SYNPO2: variants seen among roughly 807,000 people sequenced by gnomAD.
The protein encoded by SYNPO2 is synaptopodin 2.
SYNPO2 carries 56 observed loss-of-function variants against 85.0 expected under a neutral mutation model. The ratio of observed to expected loss-of-function variants is 0.66; its 90% CI spans 0.53 to 0.82. The LOEUF is 0.82. Among genes scored for constraint, SYNPO2 ranks in the 40% least tolerant of loss-of-function variants. The probability of loss-of-function intolerance (pLI) is 0.00; values close to 1 mark genes in which losing one functional copy is unlikely to be tolerated. For synonymous variants in SYNPO2, 602 were observed against 591.1 expected (o/e 1.02, Z -0.27); for missense variants, 1,575 against 1,534.2 (o/e 1.03, Z -0.44).
chr4:118,911,955 G>A (rs1028339328), intron 1 of SYNPO2, among the ~76,000 whole-genome samples: 1 of 152,126 alleles, frequency 6.6e-6, no homozygotes, highest in Admixed American at 6.5e-5. Flanking sequence ...TGCAAAATAA[G>A]ATTGATTAAA....
chr4:118,873,626 T>C (rs12506488), intron 1 of SYNPO2, among the ~76,000 whole-genome samples: 151,588 of 152,296 alleles, frequency 1, 75,443 homozygotes, highest in Middle Eastern at 1. Flanking sequence ...TATAGTTTGG[T>C]GATATTTTCT....
chr4:119,018,803 G>A (rs1473172894), intron 1 of SYNPO2, among the ~76,000 whole-genome samples: 1 of 152,110 alleles, frequency 6.6e-6, no homozygotes, highest in Non-Finnish European at 1.5e-5. Flanking sequence ...CTAAAAGAGT[G>A]CAATTGAAAT....
At chr4:118,890,493 T>C (rs770657798) in intron 1 of SYNPO2, among the ~76,000 whole-genome samples, 4 of 152,140 alleles carry the variant, frequency 2.6e-5, no homozygotes, top group Admixed American at 6.6e-5. Context: ...TGGGTTCCTT[T>C]AGGAGTCAAT....
intron 1 of SYNPO2, among the ~76,000 whole-genome samples, chr4:118,955,500 A>G (rs1036126271): frequency 3.3e-5 from 5 of 152,188 alleles, no homozygotes; most frequent in Non-Finnish European, 5.9e-5. Context: ...GGATTGGGGT[A>G]ATCAGGGGAA....
At position 119,031,228 on chromosome 4, in the gene SYNPO2, C is replaced by G. The variant is rs1183317487; in HGVS notation, c.2453C>G (p.Pro818Arg). 1 of 1,614,066 alleles carries G rather than the reference C, an allele frequency of 6.2e-7. No homozygotes were observed. Among genetic ancestry groups the G allele is most frequent in the Non-Finnish European group, 8.5e-7 (1 of 1,180,044 alleles). ...CAGCCTTCTTACCCTCCTGCCCGGC[C>G]TGCAAGTACTTTGAACGTGGCTGGT... is the stretch of plus-strand genomic sequence containing the variant. ...IAQPSYPPAR[P>R]ASTLNVAGPF... is the part of the protein sequence containing the mutation. The change falls in exon 4 of 5, where the codon CCT (proline) becomes CGT (arginine). Residue 818 changes from proline to arginine, a missense_variant. Pro to Arg is a moderately radical substitution (Grantham distance 103). Around this residue, in one of 3 missense-constraint regions of SYNPO2, gnomAD observed 1,508 missense variants for 1,446.8 expected, o/e 1.04. Transcript: ENST00000307142.
chr4:118,925,117 T>A (rs1733668979), intron 1 of SYNPO2, among the ~76,000 whole-genome samples: 1 of 152,172 alleles, frequency 6.6e-6, no homozygotes, highest in Non-Finnish European at 1.5e-5. Flanking sequence ...AATCTGTGTT[T>A]ACAGTTTAAT....
At chr4:118,958,208 C>T (rs958803698) in intron 1 of SYNPO2, among the ~76,000 whole-genome samples, 11 of 152,004 alleles carry the variant, frequency 7.2e-5, no homozygotes, top group East Asian at 1.9e-4. Flanking sequence ...GTCTTATGTT[C>T]GCATTAGTCC....
intron 1 of SYNPO2, among the ~76,000 whole-genome samples, chr4:118,916,940 G>T (rs1259902348): frequency 2.0e-5 from 3 of 151,936 alleles, no homozygotes; most frequent in Non-Finnish European, 4.4e-5. Context: ...TTGCTCTGTT[G>T]TCCAGGCTGG....
rs1560972744 is a variant in SYNPO2, at chr4:119,007,285, T to TATATATATATGTATATAC, written c.106-16135_106-16134insGTATATACATATATATAT. 2.3e-4 allele frequency among the ~76,000 whole-genome samples: 16 copies of TATATATATATGTATATAC among 68,852 alleles called. 1 individual carries two copies. Among genetic ancestry groups the TATATATATATGTATATAC allele is most frequent in the South Asian group, 1.6e-3 (3 of 1,842 alleles). The allele number at this position is 68,852 out of a possible 152,430, so 45.2% of individuals were successfully genotyped here. A position where few individuals can be genotyped will look rare whatever the true frequency, so the allele number is the denominator to read the frequency against. On this transcript the variant is annotated intron_variant, in intron 1 of 4. Coordinates refer to ENST00000307142, the MANE Select transcript of SYNPO2 (RefSeq NM_133477.3). ...ATATATATATATATATGTATATACA[T>TATATATATATGTATATAC]ATATATATATATGTATATACACGCA...
intron 1 of SYNPO2, among the ~76,000 whole-genome samples, chr4:118,940,584 C>A (rs1734272906): frequency 1.3e-5 from 2 of 151,930 alleles, no homozygotes; most frequent in Non-Finnish European, 2.9e-5. Context: ...GAAAACTGGT[C>A]CCTGCCACTG....
At chr4:118,905,465 T>TGA (rs993949011) in intron 1 of SYNPO2, among the ~76,000 whole-genome samples, 10 of 150,792 alleles carry the variant, frequency 6.6e-5, no homozygotes, top group African/African-American at 1.7e-4. Flanking sequence ...TGTGTGTCTG[T>TGA]GAGAGAGAGA....
intron 1 of SYNPO2, among the ~76,000 whole-genome samples, chr4:118,989,720 A>G (rs1736340918): frequency 6.6e-6 from 1 of 152,244 alleles, no homozygotes; most frequent in Non-Finnish European, 1.5e-5. Context: ...AAATGCACAC[A>G]GTAACTGGGA....
At chr4:118,924,503 G>A (rs1294048033) in intron 1 of SYNPO2, among the ~76,000 whole-genome samples, 1 of 152,154 alleles carries the variant, frequency 6.6e-6, no homozygotes, top group African/African-American at 2.4e-5. Context: ...AGGGGACTCA[G>A]AGCAAAGAAG....
intron 1 of SYNPO2, among the ~76,000 whole-genome samples, chr4:118,899,794 T>C (rs1732659201): frequency 1.3e-5 from 2 of 152,206 alleles, no homozygotes; most frequent in African/African-American, 4.8e-5. Flanking sequence ...GCAGCCTCGC[T>C]CTTGTCACCC....
At chr4:118,895,147 A>T (rs750684998) in intron 1 of SYNPO2, among the ~76,000 whole-genome samples, 13 of 152,150 alleles carry the variant, frequency 8.5e-5, no homozygotes, top group Non-Finnish European at 7.4e-5. Flanking sequence ...GGCAGATCTC[A>T]TCTTTTCTGG....
intron 1 of SYNPO2, among the ~76,000 whole-genome samples, chr4:118,869,312 C>T (rs1057462130): frequency 1.3e-5 from 2 of 152,108 alleles, no homozygotes; most frequent in African/African-American, 4.8e-5. Flanking sequence ...GCCTTGGCCT[C>T]CCAAAGTGCT....
intron 1 of SYNPO2, among the ~76,000 whole-genome samples, chr4:118,876,669 CTTT>C (rs1731919874): frequency 6.7e-4 from 2 of 2,978 alleles, no homozygotes; most frequent in Non-Finnish European, 1.3e-3. Flanking sequence ...CTTCCTTTCT[CTTT>C]CTTTCTTTCT....
rs139146155 is a variant in SYNPO2, at chr4:118,868,122, G to A, written c.12+17182G>A. The stretch of plus-strand genomic sequence containing the variant: ...GACAAAATCTTATTTAAATTTTTTT[G>A]TGCAATGGTTCTGTTGAATTTTACA... On this transcript the variant is annotated intron_variant, in intron 1 of 4. Coordinates refer to the SYNPO2 transcript ENST00000610556. Among the ~76,000 whole-genome samples, 372 of 133,002 alleles carry A rather than the reference G, an allele frequency of 2.8e-3. 2 individuals carry two copies. The highest frequency in any genetic ancestry group is 0.01 in the African/African-American group (357 of 35,280). The allele number at this position is 133,002 out of a possible 152,430, so 87.3% of individuals were successfully genotyped here.
At chr4:118,919,636 G>C (rs986645205) in intron 1 of SYNPO2, among the ~76,000 whole-genome samples, 5 of 152,180 alleles carry the variant, frequency 3.3e-5, no homozygotes, top group Non-Finnish European at 5.9e-5. Flanking sequence ...TGGTATAGGG[G>C]ACAGTGGAGG....
Sources: gnomAD v4.1 joint callset for allele counts (sites outside exome capture counted in the v4.1 genomes callset) on GRCh38, gnomAD v4.1.1 for gene constraint, gnomAD v4.1.1 regional missense constraint, MANE v1.5 for transcripts, NCBI Gene and HGNC (gene_info 2026-07-23, HGNC 2026-07-21) for gene names.